Variants in RNF212 observed in about 807,000 individuals in gnomAD.
RNF212 encodes the protein ring finger protein 212, also known as probable E3 SUMO-protein ligase RNF212.
A neutral mutation model predicts 34.7 loss-of-function variants in RNF212; 33 were observed. The observed-to-expected ratio is 0.95, with a 90% CI of 0.72 to 1.27. The LOEUF (loss-of-function observed/expected upper bound fraction) is 1.27, where lower values mean the gene tolerates loss of function less well. RNF212 is among the 50% of genes most tolerant of loss of function. The pLI is 0.00. For synonymous variants in RNF212, 140 were observed against 136.1 expected (o/e 1.03, Z -0.20); for missense variants, 377 against 362.2 (o/e 1.04, Z -0.33).
At chr4:1,069,296 C>T (rs569506234), downstream of RNF212, among the ~76,000 whole-genome samples, 2 of 152,136 alleles carry the variant, frequency 1.3e-5, no homozygotes, top group Admixed American at 1.3e-4. Flanking sequence ...AAAAGCTCTT[C>T]TTTATAGTAG....
At chr4:1,063,536 C>A (rs1042050678) in intron 3 of RNF212, among the ~76,000 whole-genome samples, 2 of 151,862 alleles carry the variant, frequency 1.3e-5, no homozygotes, top group Non-Finnish European at 1.5e-5. Context: ...CATGGTGAAA[C>A]CCCATCTCTA....
intron 3 of RNF212, among the ~76,000 whole-genome samples, chr4:1,092,163 C>T (rs967223579): frequency 6.6e-6 from 1 of 152,228 alleles, no homozygotes; most frequent in African/African-American, 2.4e-5. Flanking sequence ...TTCACATGTT[C>T]GTGGAGGAAC....
At chr4:1,082,627 CAG>C (rs1213997033) in intron 5 of RNF212, among the ~76,000 whole-genome samples, 1 of 152,222 alleles carries the variant, frequency 6.6e-6, no homozygotes, top group Non-Finnish European at 1.5e-5. Context: ...CATCCTCACC[CAG>C]AGTCACTTAT....
chr4:1,069,068 G>A (rs1718274012), downstream of RNF212, among the ~76,000 whole-genome samples: 1 of 152,094 alleles, frequency 6.6e-6, no homozygotes, highest in Non-Finnish European at 1.5e-5. Context: ...ACAATTAGCT[G>A]GGTGTGGTGG....
intron 2 of RNF212, among the ~76,000 whole-genome samples, chr4:1,098,986 T>A (rs1198145824): frequency 6.6e-6 from 1 of 152,156 alleles, no homozygotes; most frequent in Non-Finnish European, 1.5e-5. Context: ...TGAGGGGGAC[T>A]GAGTCATTCT....
At chr4:1,097,634 C>T (rs1290864102) in intron 2 of RNF212, among the ~76,000 whole-genome samples, 4 of 151,944 alleles carry the variant, frequency 2.6e-5, no homozygotes, top group Admixed American at 2.6e-4. Context: ...TCCCAACTTC[C>T]TTCACAAGTG....
chr4:1,065,325 A>T (rs201978961), intron 3 of RNF212, among the ~76,000 whole-genome samples: 1 of 152,232 alleles, frequency 6.6e-6, no homozygotes, highest in East Asian at 1.9e-4. Flanking sequence ...TGATTACAAT[A>T]AACATTTATT....
intron 1 of RNF212, among the ~76,000 whole-genome samples, chr4:1,110,809 C>T (rs4974573): frequency 0.82 from 124,953 of 152,118 alleles, 52,731 homozygotes; most frequent in East Asian, 1. Flanking sequence ...CTTTTCACCA[C>T]TTTTTTGTGT....
chr4:1,087,490 A>G, intron 4 of RNF212, among the ~76,000 whole-genome samples: 1 of 60,284 alleles, frequency 1.7e-5, no homozygotes, highest in African/African-American at 7.2e-5. Context: ...GGTGAGGGTG[A>G]GAGAACCAAG....
chr4:1,072,505 ATG>A lies in RNF212; in HGVS notation c.*367_*368del. The A allele has an allele frequency of 4.3e-6, 1 of 230,308 alleles. No individual in the cohort carries two copies. Among genetic ancestry groups the A allele is most frequent in the Non-Finnish European group, 8.1e-6 (1 of 124,182 alleles). The allele number at this position is 230,308 out of a possible 1,614,324, so 14.3% of individuals were successfully genotyped here. ...GGGGGAGCTGTGCGTGTGTGGAGTC[ATG>A]GTGTATATGGGAAATCTGTACCTTC... On this transcript the variant is annotated 3_prime_UTR_variant, in exon 10 of 10. Coordinates refer to ENST00000433731, the MANE Select transcript of RNF212 (RefSeq NM_001131034.4).
At chr4:1,106,009 T>A (rs76056108) in intron 2 of RNF212, among the ~76,000 whole-genome samples, 3,727 of 152,316 alleles carry the variant, frequency 0.024, 85 homozygotes, top group Non-Finnish European at 0.039. Flanking sequence ...TGGGGGACTT[T>A]GGCGCTTACT....
chr4:1,103,934 G>A (rs775737942), intron 2 of RNF212, among the ~76,000 whole-genome samples: 7 of 152,144 alleles, frequency 4.6e-5, no homozygotes, highest in Admixed American at 3.3e-4. Context: ...GATCTAAAGC[G>A]TCCTTATTCA....
rs376740925 is a variant in RNF212 at position 1,088,366 on chromosome 4, T to C, written c.304-2412A>G. Among the ~76,000 whole-genome samples, 8 of 152,228 alleles carry C rather than the reference T, an allele frequency of 5.3e-5. No homozygotes were observed. In the South Asian group the frequency reaches 1.4e-3, roughly 28 times the overall value. Reference sequence around the variant, plus strand: ...CTTGAAAAAGATGATTTAGGGCATCTGGCAGAAGAAATTTCTAAGCAGCAA... The same window carrying C: ...CTTGAAAAAGATGATTTAGGGCATCCGGCAGAAGAAATTTCTAAGCAGCAA... On this transcript the variant is annotated intron_variant, in intron 4 of 9. Coordinates refer to ENST00000433731, the MANE Select transcript of RNF212 (RefSeq NM_001131034.4).
chr4:1,103,203 T>C (rs1026292247), intron 2 of RNF212, among the ~76,000 whole-genome samples: 7 of 152,178 alleles, frequency 4.6e-5, no homozygotes, highest in Non-Finnish European at 7.3e-5. Context: ...TCAAGGAGAA[T>C]TAGGAACTTT....
intron 3 of RNF212, among the ~76,000 whole-genome samples, chr4:1,066,224 T>A (rs974909599): frequency 6.6e-6 from 1 of 152,134 alleles, no homozygotes; most frequent in Admixed American, 6.5e-5. Context: ...TACCCAGCTC[T>A]TGCTATAGTT....
At chr4:1,059,062 T>C (rs1172623790) in intron 3 of RNF212, among the ~76,000 whole-genome samples, 2 of 152,230 alleles carry the variant, frequency 1.3e-5, no homozygotes, top group Non-Finnish European at 2.9e-5. Flanking sequence ...GACCCCAGGA[T>C]GGGAAACCCA....
chr4:1,066,769 G>A (rs186034930), downstream of RNF212, among the ~76,000 whole-genome samples: 3 of 151,904 alleles, frequency 2.0e-5, no homozygotes, highest in Admixed American at 2.0e-4. Context: ...TCTATTGATA[G>A]TATCTTTTGA....
chr4:1,076,732 C>T (rs1045353361), intron 8 of RNF212, among the ~76,000 whole-genome samples: 1 of 152,220 alleles, frequency 6.6e-6, no homozygotes, highest in African/African-American at 2.4e-5. Flanking sequence ...TGGTTTTAGA[C>T]ACTTTCCTTG....
intron 5 of RNF212, among the ~76,000 whole-genome samples, chr4:1,085,151 C>T (rs557496720): frequency 3.3e-5 from 5 of 152,380 alleles, no homozygotes; most frequent in African/African-American, 1.2e-4. Flanking sequence ...GGGCTTGTGA[C>T]TATTCAACGC....
Sources: gnomAD v4.1 joint callset for allele counts (sites outside exome capture counted in the v4.1 genomes callset) on GRCh38, gnomAD v4.1.1 for gene constraint, MANE v1.5 for transcripts, NCBI Gene and HGNC (gene_info 2026-07-23, HGNC 2026-07-21) for gene names.